FGGY: variants seen among roughly 807,000 people sequenced by gnomAD.
FGGY encodes the protein FGGY carbohydrate kinase domain containing.
In FGGY, 72 loss-of-function variants were observed where a neutral mutation model predicts 71.3. The ratio of observed to expected loss-of-function variants is 1.01; its 90% confidence interval spans 0.84 to 1.23. FGGY has a LOEUF of 1.23. Among genes scored for constraint, FGGY ranks in the 50% most tolerant of loss-of-function variants. The pLI is 0.00. For synonymous variants in FGGY, 251 were observed against 250.3 expected (o/e 1.00, Z -0.02); for missense variants, 668 against 682.3 (o/e 0.98, Z 0.23).
intron 11 of FGGY, among the ~76,000 whole-genome samples, chr1:59,647,415 T>C (rs1485216769): frequency 6.6e-6 from 1 of 152,214 alleles, no homozygotes; most frequent in African/African-American, 2.4e-5. Context: ...AGGGGCAGTG[T>C]CCATCCATCA....
chr1:59,526,939 C>G (rs959150798), intron 7 of FGGY, among the ~76,000 whole-genome samples: 1 of 152,176 alleles, frequency 6.6e-6, no homozygotes, highest in Admixed American at 6.5e-5. Flanking sequence ...GATGCCTTCT[C>G]CTGACACATT....
intron 4 of FGGY, among the ~76,000 whole-genome samples, chr1:59,368,669 C>T (rs1209614336): frequency 6.6e-6 from 1 of 152,160 alleles, no homozygotes; most frequent in Admixed American, 6.5e-5. Flanking sequence ...TTGTATGGGC[C>T]AGAGAGGAGG....
chr1:59,615,902 A>T (rs1420382484), intron 9 of FGGY, among the ~76,000 whole-genome samples: 1 of 152,228 alleles, frequency 6.6e-6, no homozygotes, highest in Non-Finnish European at 1.5e-5. Flanking sequence ...AAAAATGCTC[A>T]TCATCACTGG....
intron 8 of FGGY, among the ~76,000 whole-genome samples, chr1:59,577,836 T>C (rs895016007): frequency 2.0e-5 from 3 of 152,156 alleles, no homozygotes; most frequent in Non-Finnish European, 4.4e-5. Flanking sequence ...CTTTGATGAC[T>C]CTTCGTTGCC....
chr1:59,319,197 T>G (rs1176032220), intron 1 of FGGY, among the ~76,000 whole-genome samples: 1 of 152,218 alleles, frequency 6.6e-6, no homozygotes, highest in Non-Finnish European at 1.5e-5. Flanking sequence ...TCTCACTGGT[T>G]TTAGAGAAGC....
At chr1:59,451,555 G>A (rs926251477) in intron 5 of FGGY, among the ~76,000 whole-genome samples, 3 of 150,954 alleles carry the variant, frequency 2.0e-5, no homozygotes, top group South Asian at 2.1e-4. Context: ...ATACATATAT[G>A]CAGGAAAGAG....
Position 59,388,113 on chromosome 1 carries a change from G to A in FGGY, c.554+9276G>A, listed in dbSNP as rs189264636. Among the ~76,000 whole-genome samples, 110 of 151,778 alleles carry A rather than the reference G, an allele frequency of 7.2e-4. 2 individuals carry two copies. The highest frequency in any genetic ancestry group is 2.2e-3 in the African/African-American group (92 of 41,382). The stretch of plus-strand genomic sequence containing the variant: ...CAGCTCAGAAGTGCAGTTAAACCCC[G>A]TCTGCATGTTCAGGTATGTGTACAT... On this transcript the variant is annotated intron_variant, in intron 5 of 15. Transcript: ENST00000303721.
At chr1:59,464,645 CAG>C (rs2092492209) in intron 6 of FGGY, among the ~76,000 whole-genome samples, 2 of 151,868 alleles carry the variant, frequency 1.3e-5, no homozygotes, top group Non-Finnish European at 1.5e-5. Flanking sequence ...AAGAAGAAGA[CAG>C]AGAAGAATCA....
chr1:59,500,143 C>A (rs988203868), intron 6 of FGGY, among the ~76,000 whole-genome samples: 3 of 152,138 alleles, frequency 2.0e-5, no homozygotes, highest in Non-Finnish European at 4.4e-5. Flanking sequence ...CACGTGAATT[C>A]TTTAAACAAA....
chr1:59,719,776 A>G (rs1275982912), intron 14 of FGGY, among the ~76,000 whole-genome samples: 1 of 152,200 alleles, frequency 6.6e-6, no homozygotes, highest in Non-Finnish European at 1.5e-5. Flanking sequence ...TTCATTTAAT[A>G]TTGATAAGGG....
Position 59,607,984 on chromosome 1 carries a change from A to G in FGGY, c.1011+74A>G, listed in dbSNP as rs765319223. On this transcript the variant is annotated intron_variant, in intron 9 of 15. Coordinates refer to ENST00000303721, the MANE Select transcript of FGGY (RefSeq NM_018291.5). ...ATTAGTCCATTTTGTCACATGACCCATATACCCAATATCTGGAGGATTTGC... is the reference window on the plus strand; with the variant it reads ...ATTAGTCCATTTTGTCACATGACCCGTATACCCAATATCTGGAGGATTTGC... The G allele has an allele frequency of 4.6e-5, 55 of 1,194,314 alleles. 1 individual carries two copies. Among genetic ancestry groups the G allele is most frequent in the Middle Eastern group, 3.9e-4 (2 of 5,130 alleles). 74.0% of individuals were successfully genotyped at this position (1,194,314 alleles called of 1,614,324 possible).
At chr1:59,388,794 T>G (rs958599242) in intron 5 of FGGY, among the ~76,000 whole-genome samples, 17 of 152,146 alleles carry the variant, frequency 1.1e-4, no homozygotes, top group African/African-American at 4.1e-4. Flanking sequence ...AGCATAAAAT[T>G]TGCCATTTTA....
intron 6 of FGGY, among the ~76,000 whole-genome samples, chr1:59,457,332 T>C (rs1174959345): frequency 6.6e-6 from 1 of 152,046 alleles, no homozygotes; most frequent in African/African-American, 2.4e-5. Flanking sequence ...GAAATTGCGC[T>C]GGGCATGGTG....
intron 5 of FGGY, among the ~76,000 whole-genome samples, chr1:59,430,929 T>G (rs576674653): frequency 6.6e-6 from 1 of 152,336 alleles, no homozygotes; most frequent in East Asian, 1.9e-4. Flanking sequence ...TAAATAAATT[T>G]GCTTTTCTTT....
intron 2 of FGGY, among the ~76,000 whole-genome samples, chr1:59,326,286 A>G (rs1163103312): frequency 6.6e-6 from 1 of 152,204 alleles, no homozygotes. Flanking sequence ...TGAGAAAAAT[A>G]AACAACACAT....
At chr1:59,749,751 ACTCACGTGCTT>A (rs976219135) in intron 14 of FGGY, among the ~76,000 whole-genome samples, 1 of 152,118 alleles carries the variant, frequency 6.6e-6, no homozygotes, top group African/African-American at 2.4e-5. Flanking sequence ...ACCTCAAATA[ACTCACGTGCTT>A]CTCATAGCAG....
chr1:59,703,752 A>G (rs1558851383), intron 14 of FGGY, among the ~76,000 whole-genome samples: 2 of 152,202 alleles, frequency 1.3e-5, no homozygotes, highest in Admixed American at 1.3e-4. Flanking sequence ...AATTCATACT[A>G]AAAACAAACT....
intron 9 of FGGY, among the ~76,000 whole-genome samples, chr1:59,614,790 C>T (rs1370997393): frequency 1.3e-5 from 2 of 152,184 alleles, no homozygotes; most frequent in African/African-American, 4.8e-5. Context: ...TGATAAGCAA[C>T]TTCAGCAAAC....
intron 3 of FGGY, among the ~76,000 whole-genome samples, chr1:59,340,920 T>C (rs555770892): frequency 2.6e-5 from 4 of 152,306 alleles, no homozygotes; most frequent in African/African-American, 9.6e-5. Context: ...GGAAATTGCA[T>C]GCTCCATCTG....
Sources: allele counts gnomAD v4.1 joint callset (sites outside exome capture counted in the v4.1 genomes callset), GRCh38; gene constraint gnomAD v4.1.1; transcripts MANE v1.5; gene names NCBI Gene and HGNC (gene_info 2026-07-23, HGNC 2026-07-21).